The following ZBTB20 variants were observed in gnomAD, a reference collection of about 807,000 sequenced individuals.
The protein encoded by ZBTB20 is zinc finger and BTB domain containing 20, also known as zinc finger and BTB domain-containing protein 20.
In ZBTB20, 9 loss-of-function variants were observed where a neutral mutation model predicts 56.9. The ratio of observed to expected loss-of-function variants is 0.16; its 90% CI spans 0.10 to 0.28. The LOEUF (loss-of-function observed/expected upper bound fraction) is 0.28. Among genes scored for constraint, ZBTB20 ranks in the 10% least tolerant of loss-of-function variants. The pLI, the probability that ZBTB20 is intolerant of heterozygous loss-of-function variation, is 1.00. For synonymous variants in ZBTB20, 417 were observed against 420.7 expected, an observed-to-expected ratio of 0.99 and a Z score of 0.11; for missense variants, 655 against 1,003.0, an observed-to-expected ratio of 0.65 and a Z score of 4.69.
intron 6 of ZBTB20, among the ~76,000 whole-genome samples, chr3:114,666,962 A>G (rs1578237216): frequency 6.6e-6 from 1 of 152,036 alleles, no homozygotes; most frequent in Non-Finnish European, 1.5e-5. Flanking sequence ...TTAAAAATAG[A>G]TAGAAGGCAA....
chr3:114,873,625 C>T (rs180811881), intron 4 of ZBTB20, among the ~76,000 whole-genome samples: 8 of 152,182 alleles, frequency 5.3e-5, no homozygotes, highest in African/African-American at 1.9e-4. Flanking sequence ...TGAGAAATAA[C>T]ACAAAAGGTT....
rs2066983717 is a variant in ZBTB20 at position 114,745,650 on chromosome 3, T to C, written c.-342-52075A>G. ...GCACATCCAACTATAATTCAAAATA[T>C]CTCACACTTCCAACTTGAAAGAAGA... On this transcript the variant is annotated intron_variant, in intron 5 of 11. Coordinates refer to ENST00000675478, the MANE Select transcript of ZBTB20 (RefSeq NM_001348800.3). Among the ~76,000 whole-genome samples the C allele has an allele frequency of 2.0e-5, 3 of 152,150 alleles. No individual in the cohort carries two copies. The South Asian group carries it at 6.2e-4, about 31-fold the overall frequency.
At chr3:114,641,494 A>C (rs1043207987) in intron 6 of ZBTB20, among the ~76,000 whole-genome samples, 3 of 151,770 alleles carry the variant, frequency 2.0e-5, no homozygotes, top group Admixed American at 6.6e-5. Context: ...TAGATATAAA[A>C]TAGGGTTTCT....
At chr3:114,346,316 A>G (rs2080183139) in intron 11 of ZBTB20, among the ~76,000 whole-genome samples, 1 of 152,240 alleles carries the variant, frequency 6.6e-6, no homozygotes, top group Non-Finnish European at 1.5e-5. Context: ...AGTAGGGGCG[A>G]AAAGTAATAA....
chr3:114,689,528 C>A (rs2062570276), intron 6 of ZBTB20, among the ~76,000 whole-genome samples: 1 of 151,988 alleles, frequency 6.6e-6, no homozygotes, highest in Non-Finnish European at 1.5e-5. Flanking sequence ...ACAAATGTAA[C>A]AACAACTGAA....
At chr3:115,027,363 T>C (rs559599702) in intron 2 of ZBTB20, 1 of 151,070 alleles carries the variant, frequency 6.6e-6, no homozygotes, top group East Asian at 1.9e-4. Flanking sequence ...AAGAAATCAA[T>C]GCTACTGAAT....
At chr3:114,495,652 G>A (rs1331734002) in intron 7 of ZBTB20, among the ~76,000 whole-genome samples, 1 of 151,906 alleles carries the variant, frequency 6.6e-6, no homozygotes, top group Non-Finnish European at 1.5e-5. Context: ...GGCTATAGTC[G>A]ATTGGTGTTC....
At chr3:115,063,596 T>C (rs1383305719) in intron 2 of ZBTB20, among the ~76,000 whole-genome samples, 5 of 152,034 alleles carry the variant, frequency 3.3e-5, no homozygotes, top group Admixed American at 1.3e-4. Context: ...ATTCAGCTCA[T>C]AGCATTTAGA....
intron 7 of ZBTB20, among the ~76,000 whole-genome samples, chr3:114,492,249 G>C (rs1422206837): frequency 2.0e-5 from 3 of 152,092 alleles, no homozygotes; most frequent in African/African-American, 7.2e-5. Context: ...CTGAATTCAT[G>C]TCTCCAGCCT....
chr3:114,712,759 TA>T (rs2064183549), intron 5 of ZBTB20, among the ~76,000 whole-genome samples: 1 of 151,712 alleles, frequency 6.6e-6, no homozygotes, highest in South Asian at 2.1e-4. Context: ...CCTTTTCAAA[TA>T]TAATAAGCAA....
intron 4 of ZBTB20, among the ~76,000 whole-genome samples, chr3:114,852,491 C>T (rs186533790): frequency 0.024 from 3,635 of 151,816 alleles, 53 homozygotes; most frequent in South Asian, 0.051. Context: ...CTCAAACTCC[C>T]GACCTCAGCT....
At chr3:114,562,083 A>G (rs1333116657) in intron 6 of ZBTB20, among the ~76,000 whole-genome samples, 2 of 152,126 alleles carry the variant, frequency 1.3e-5, no homozygotes, top group East Asian at 3.9e-4. Context: ...TTTCTTCTAA[A>G]GCTTCCTCAC....
At chr3:114,876,264 G>A (rs546704175) in intron 4 of ZBTB20, 1 of 137,780 alleles carries the variant, frequency 7.3e-6, no homozygotes, top group South Asian at 2.5e-4. Flanking sequence ...ACAATTTGTA[G>A]TCTTTTATCC....
chr3:115,112,712 C>T (rs73230605), intron 1 of ZBTB20, among the ~76,000 whole-genome samples: 1,650 of 152,238 alleles, frequency 0.011, 10 homozygotes, highest in Middle Eastern at 0.044. Context: ...CTGATGGACA[C>T]TTAGGTTTAA....
intron 7 of ZBTB20, among the ~76,000 whole-genome samples, chr3:114,421,465 G>A (rs1388603850): frequency 6.6e-6 from 1 of 152,132 alleles, no homozygotes; most frequent in African/African-American, 2.4e-5. Flanking sequence ...CACTGCAGAC[G>A]GCAGCAATGA....
At chr3:114,985,660 G>A (rs534276205) in intron 2 of ZBTB20, among the ~76,000 whole-genome samples, 4 of 152,074 alleles carry the variant, frequency 2.6e-5, no homozygotes, top group Non-Finnish European at 5.9e-5. Flanking sequence ...AAATAGATGG[G>A]TCAAAATGAT....
chr3:114,527,028 G>T (rs770116002), intron 6 of ZBTB20, among the ~76,000 whole-genome samples: 5 of 151,898 alleles, frequency 3.3e-5, no homozygotes, highest in Non-Finnish European at 7.4e-5. Flanking sequence ...GTTTTTCTTT[G>T]AACATAACAA....
chr3:114,971,352 G>T (rs1560450313), intron 3 of ZBTB20, among the ~76,000 whole-genome samples: 1 of 152,152 alleles, frequency 6.6e-6, no homozygotes, highest in African/African-American at 2.4e-5. Context: ...ACCAGACAAA[G>T]GTCTCAGAGA....
chr3:114,811,918 C>A (rs971943860), intron 4 of ZBTB20, among the ~76,000 whole-genome samples: 1 of 149,528 alleles, frequency 6.7e-6, no homozygotes, highest in East Asian at 2.0e-4. Context: ...GCGGACCCTC[C>A]CGGTGAGTGT....
Sources: allele counts gnomAD v4.1 joint callset (sites outside exome capture counted in the v4.1 genomes callset), GRCh38; gene constraint gnomAD v4.1.1; transcripts MANE v1.5; gene names NCBI Gene and HGNC (gene_info 2026-07-23, HGNC 2026-07-21).